Variants in ATP8B3 observed in about 807,000 individuals in gnomAD.
ATP8B3 encodes the protein ATPase phospholipid transporting 8B3.
In ATP8B3, 141 loss-of-function variants were observed where a neutral mutation model predicts 140.9. The observed-to-expected ratio is 1.00, with a 90% CI of 0.87 to 1.15. The LOEUF is 1.15. Ranked by LOEUF, ATP8B3 falls within the 50% of genes most tolerant of loss-of-function variation. ATP8B3 has a pLI of 0.00. For missense variants in ATP8B3, 1,874 were observed against 1,740.6 expected (o/e 1.08, Z -1.36); for synonymous variants, 765 against 714.6 (o/e 1.07, Z -1.13).
chr19:1,805,343 G>T lies in ATP8B3; in HGVS notation c.904+31C>A. 2.0e-6 allele frequency: 3 copies of T among 1,524,732 alleles called. No individual in the cohort carries two copies. Among genetic ancestry groups the T allele is most frequent in the Non-Finnish European group, 2.7e-6 (3 of 1,120,632 alleles). 94.5% of individuals were successfully genotyped at this position (1,524,732 alleles called of 1,614,324 possible). A position where few individuals can be genotyped will look rare whatever the true frequency, so the allele number is the denominator to read the frequency against. On this transcript the variant is annotated intron_variant, in intron 10 of 28. Coordinates refer to ENST00000310127, the MANE Select transcript of ATP8B3 (RefSeq NM_138813.4). This position sits in a 1 kb window ranked among gnomAD's most constrained non-coding sequence, Gnocchi z 5.2. ...TAACTTTTAACTTTTACAGATTCGA[G>T]GGACGTGACTCCCTGCTCAACGCCT...
chr19:1,785,148 TG>T lies in ATP8B3; in HGVS notation c.3532+10del. 1 of 1,551,544 alleles carries T rather than the reference TG, an allele frequency of 6.4e-7. No individual in the cohort carries two copies. Among genetic ancestry groups the T allele is most frequent in the Non-Finnish European group, 8.7e-7 (1 of 1,149,866 alleles). On this transcript the variant is annotated intron_variant, in intron 27 of 28. Transcript: ENST00000310127. ...CACGACCGCCCGTCCCACTTCCCCA[TG>T]GGGGCTCACACAGAAACGGGAAGGT...
chr19:1,784,920 G>C lies in ATP8B3; in HGVS notation c.3559C>G (p.Pro1187Ala). ...LYADLSVMSSPSILLVVLLSV... is the reference protein window; with the variant it reads ...LYADLSVMSSASILLVVLLSV... ...AGCAGGACCACCAGCAGGATGGAGG[G>C]AGAGGACATCACGCTGAGGTCGGCA... The change falls in exon 28 of 29, where the codon CCC (proline) becomes GCC (alanine). Residue 1187 changes from proline (P) to alanine (A), a missense_variant. Transcript: ENST00000310127. 1.2e-6 allele frequency: 2 copies of C among 1,612,494 alleles called. No individual in the cohort carries two copies. Among genetic ancestry groups the C allele is most frequent in the Non-Finnish European group, 8.5e-7 (1 of 1,179,280 alleles).
chr19:1,795,846 C>CAT (rs772385485), intron 18 of ATP8B3, 29 bp downstream of exon 18: 1 of 1,233,490 alleles, frequency 8.1e-7, no homozygotes, highest in Non-Finnish European at 1.2e-6. Context: ...CACACACACA[C>CAT]ATAAGCCAGC....
intron 4 of ATP8B3, 126 bp downstream of exon 4, chr19:1,809,517 A>G (rs1050292476): frequency 1.6e-5 from 13 of 831,358 alleles, no homozygotes; most frequent in Non-Finnish European, 2.4e-5. Context: ...GAAAACGAAA[A>G]CCAAAAAAAG....
Position 1,805,798 on chromosome 19 carries a change from CT to C in ATP8B3, c.821+89del. 1 of 1,520,182 alleles carries C rather than the reference CT, an allele frequency of 6.6e-7. No individual in the cohort carries two copies. Among genetic ancestry groups the C allele is most frequent in the South Asian group, 1.1e-5 (1 of 87,036 alleles). The allele number at this position is 1,520,182 out of a possible 1,614,324, so 94.2% of individuals were successfully genotyped here. On this transcript the variant is annotated intron_variant, in intron 9 of 28. Transcript: ENST00000310127. This position sits in a 1 kb window ranked among gnomAD's most constrained non-coding sequence, Gnocchi z 5.2. ...GACCAAAGTCTCTGAGCGACCTTGGCTGGCCGCCTCCTTGGTGACTGGGGAA... is the reference window on the plus strand; with the variant it reads ...GACCAAAGTCTCTGAGCGACCTTGGCGGCCGCCTCCTTGGTGACTGGGGAA...
rs995097389 is a variant in ATP8B3, at chr19:1,789,622, A to T, written c.2584T>A (p.Tyr862Asn). The T allele has an allele frequency of 6.3e-7, 1 of 1,594,204 alleles. No homozygotes were observed. Among genetic ancestry groups the T allele is most frequent in the South Asian group, 1.1e-5 (1 of 88,858 alleles). ...ELGQSRRDFL[Y>N]ARRLSLLCRR... ...CACAGCAGGGACAGGCGCCTGGCGT[A>T]GAGGAAATCCCTCCTGGACTGGCCG... Residue 862 changes from tyrosine (Y) to asparagine (N), a missense_variant, in exon 23 of 29, where the codon TAC (tyrosine) becomes AAC (asparagine). This residue lies in a region of ATP8B3 where 840 missense variants were observed against 760.9 expected (regional missense o/e 1.10). Transcript: ENST00000310127.
At chr19:1,783,299 G>A (rs750657519) in intron 28 of ATP8B3, 29 bp from the exon 29 acceptor site, 2 of 1,596,902 alleles carry the variant, frequency 1.3e-6, no homozygotes, top group Non-Finnish European at 1.7e-6. Flanking sequence ...AGCAGGGGAA[G>A]CAGACTCCTA....
At chr19:1,810,598 G>A (rs769844217) in intron 3 of ATP8B3, 24 bp downstream of exon 3, 49 of 1,607,528 alleles carry the variant, frequency 3.0e-5, no homozygotes, top group Admixed American at 2.7e-4. Context: ...CACCTGCACC[G>A]CCCCCTCTGC....
chr19:1,782,730 G>A lies in ATP8B3; in HGVS notation c.*298C>T. 2.4e-6 allele frequency: 1 copy of A among 408,382 alleles called. No individual in the cohort carries two copies. Among genetic ancestry groups the A allele is most frequent in the South Asian group, 2.9e-5 (1 of 34,874 alleles). The allele number at this position is 408,382 out of a possible 1,614,324, so 25.3% of individuals were successfully genotyped here. A position where few individuals can be genotyped will look rare whatever the true frequency, so the allele number is the denominator to read the frequency against. ...TCTCTGTGCAACAGTGATTTCTCCT[G>A]AAAAGAATGTGACCTCTCCTTGGTC... On this transcript the variant is annotated 3_prime_UTR_variant, in exon 29 of 29. Transcript: ENST00000310127.
At chr19:1,787,425 G>A (rs1446833693) in intron 24 of ATP8B3, among the ~76,000 whole-genome samples, 1 of 152,022 alleles carries the variant, frequency 6.6e-6, no homozygotes, top group Non-Finnish European at 1.5e-5. Context: ...GTTTTAATTG[G>A]ATGGCATCAA....
chr19:1,811,243 T>A (rs1201863627), intron 2 of ATP8B3, among the ~76,000 whole-genome samples: 1 of 151,876 alleles, frequency 6.6e-6, no homozygotes, highest in Non-Finnish European at 1.5e-5. Context: ...GGCAGCAAAC[T>A]CTGATGGGGG....
chr19:1,797,916 C>A (rs1002580595), intron 14 of ATP8B3, among the ~76,000 whole-genome samples: 6 of 152,040 alleles, frequency 3.9e-5, no homozygotes, highest in Admixed American at 6.6e-5. Flanking sequence ...GACATCTTCC[C>A]TCTTCAGCCT....
Position 1,787,153 on chromosome 19 carries a change from T to C in ATP8B3, c.3103A>G (p.Asn1035Asp), listed in dbSNP as rs762907451. 1 of 1,611,022 alleles carries C rather than the reference T, an allele frequency of 6.2e-7. No individual in the cohort carries two copies. Among genetic ancestry groups the C allele is most frequent in the Admixed American group, 1.7e-5 (1 of 59,706 alleles). Residue 1035 changes from asparagine to aspartate, a missense_variant, in exon 25 of 29, where the codon AAC becomes GAC. Coordinates refer to ENST00000310127, the MANE Select transcript of ATP8B3 (RefSeq NM_138813.4). ...LYEGWFLALF[N>D]LLYSTLPVLY... ...ACTGGCAGGGTGCTGTACAGGAGGT[T>C]GAAAAGAGCCAGGAACCATCCTTCA...
Position 1,791,831 on chromosome 19 carries a change from G to C in ATP8B3, c.2221C>G (p.Leu741Val), listed in dbSNP as rs758922157. 6.2e-7 allele frequency: 1 copy of C among 1,611,496 alleles called. No homozygotes were observed. The highest frequency in any genetic ancestry group is 8.5e-7 in the Non-Finnish European group (1 of 1,179,802). The change falls in exon 20 of 29, where the codon CTC (leucine) becomes GTC (valine). Residue 741 changes from leucine (L) to valine (V), a missense_variant. Leu to Val is a conservative substitution (Grantham distance 32, BLOSUM62 1). Transcript: ENST00000310127. ...LLGATAIEDR[L>V]QDGVPETIKC... ...ATGGTTTCAGGGACACCGTCCTGGA[G>C]TCTGTCCTCGATGGCTGTGGCTCCC...
chr19:1,802,642 G>A lies in ATP8B3; in HGVS notation c.908C>T (p.Thr303Ile). 1 of 1,608,346 alleles carries A rather than the reference G, an allele frequency of 6.2e-7. No individual in the cohort carries two copies. Among genetic ancestry groups the A allele is most frequent in the Non-Finnish European group, 8.5e-7 (1 of 1,178,094 alleles). ...ACTGTTAGGCGCCTCACACGTCACTGTGCCTGTGGGTGGCCAGGTGGTCAG... is the reference window on the plus strand; with the variant it reads ...ACTGTTAGGCGCCTCACACGTCACTATGCCTGTGGGTGGCCAGGTGGTCAG... ...TIKKMASFQG[T>I]VTCEAPNSRM... The change falls in exon 11 of 29, where the codon ACA becomes ATA. Residue 303 changes from threonine to isoleucine, a missense_variant. Coordinates refer to ENST00000310127, the MANE Select transcript of ATP8B3 (RefSeq NM_138813.4).
chr19:1,796,745 C>G lies in ATP8B3; in HGVS notation c.1719G>C (p.Thr573=). ...CACGGGGGCTCTCCCGCACCATCAC[C>G]GTGTGGCAGATGGCCAGCAGGCGCC... ...EFWRLLAICH[T]VMVRESPRER... Residue 573 remains threonine (T), a synonymous_variant, in exon 16 of 29, where the codon ACG becomes ACC. Coordinates refer to ENST00000310127, the MANE Select transcript of ATP8B3 (RefSeq NM_138813.4). 1 of 1,612,024 alleles carries G rather than the reference C, an allele frequency of 6.2e-7. No individual in the cohort carries two copies. Among genetic ancestry groups the G allele is most frequent in the Non-Finnish European group, 8.5e-7 (1 of 1,179,594 alleles).
At chr19:1,792,638 G>A (rs1033170385) in intron 18 of ATP8B3, among the ~76,000 whole-genome samples, 8 of 140,208 alleles carry the variant, frequency 5.7e-5, no homozygotes, top group Admixed American at 2.9e-4. Context: ...AGGGCTGGGC[G>A]TGGTGGCTCA....
In ATP8B3 at chr19:1,805,270, T is replaced by G; in HGVS notation, c.904+104A>C. ...GATTCCAGGTGTGAGCCACTGGGCC[T>G]GGCCAGCACCTTGTTTTAAAAACAG... On this transcript the variant is annotated intron_variant, in intron 10 of 28. Coordinates refer to ENST00000310127, the MANE Select transcript of ATP8B3 (RefSeq NM_138813.4). This position sits in a 1 kb window ranked among gnomAD's most constrained non-coding sequence, Gnocchi z 5.2. 4 of 1,182,592 alleles carry G rather than the reference T, an allele frequency of 3.4e-6. No homozygotes were observed. The highest frequency in any genetic ancestry group is 2.4e-6 in the Non-Finnish European group (2 of 816,488). The allele number at this position is 1,182,592 out of a possible 1,614,324, so 73.3% of individuals were successfully genotyped here.
At chr19:1,791,924 G>A (rs753376517) in intron 19 of ATP8B3, 63 bp from the exon 20 acceptor site, 2 of 1,597,194 alleles carry the variant, frequency 1.3e-6, no homozygotes, top group Non-Finnish European at 1.7e-6. Flanking sequence ...CCTGGCGGGG[G>A]CAGGAGAGTC....
Sources: gnomAD v4.1 joint callset for allele counts (sites outside exome capture counted in the v4.1 genomes callset) on GRCh38, gnomAD v4.1.1 for gene constraint, gnomAD v4.1.1 regional missense constraint, Gnocchi (gnomAD v3.1) non-coding constraint, MANE v1.5 for transcripts, NCBI Gene and HGNC (gene_info 2026-07-23, HGNC 2026-07-21) for gene names.